CNOT4: variants seen among roughly 807,000 people sequenced by gnomAD.
CNOT4 encodes the protein CCR4-NOT transcription complex subunit 4.
CNOT4 carries 8 observed loss-of-function variants against 73.8 expected under a neutral mutation model. The ratio of observed to expected loss-of-function variants is 0.11; its 90% CI spans 0.06 to 0.20. The LOEUF (loss-of-function observed/expected upper bound fraction) is 0.20. CNOT4 is among the 10% of genes least tolerant of loss of function. CNOT4 has a pLI of 1.00. For missense variants in CNOT4, 564 were observed against 883.4 expected (o/e 0.64, Z 4.58); for synonymous variants, 293 against 321.1 (o/e 0.91, Z 0.94).
chr7:135,451,026 G>T (rs1800126763), intron 1 of CNOT4, among the ~76,000 whole-genome samples: 1 of 152,076 alleles, frequency 6.6e-6, no homozygotes, highest in Non-Finnish European at 1.5e-5. Flanking sequence ...AATTTCAAGG[G>T]TAATCACATA....
intron 10 of CNOT4, among the ~76,000 whole-genome samples, chr7:135,385,002 G>A (rs752577431): frequency 1.3e-4 from 20 of 151,910 alleles, no homozygotes; most frequent in Non-Finnish European, 2.4e-4. Context: ...CAGCTCTTAC[G>A]CTTTCCAATT....
intron 10 of CNOT4, chr7:135,387,093 C>T (rs1796157984): frequency 1.0e-6 from 1 of 984,346 alleles, no homozygotes; most frequent in African/African-American, 1.7e-5. Context: ...TGGCCTCTTA[C>T]AGTAAAAATG....
intron 3 of CNOT4, among the ~76,000 whole-genome samples, chr7:135,420,260 G>A (rs886570006): frequency 3.3e-5 from 5 of 151,908 alleles, no homozygotes; most frequent in African/African-American, 7.3e-5. Context: ...TTCATTTACT[G>A]GAACTGCACG....
At chr7:135,454,832 C>T (rs920083401) in intron 1 of CNOT4, among the ~76,000 whole-genome samples, 1 of 151,944 alleles carries the variant, frequency 6.6e-6, no homozygotes, top group African/African-American at 2.4e-5. Flanking sequence ...TGTAGTGAGC[C>T]GAGATCATGC....
intron 1 of CNOT4, among the ~76,000 whole-genome samples, chr7:135,475,671 A>G (rs1429868794): frequency 4.6e-5 from 7 of 152,182 alleles, no homozygotes; most frequent in African/African-American, 1.7e-4. Flanking sequence ...GCACTTTGGG[A>G]GGCCAAGGCA....
intron 7 of CNOT4, 137 bp from the exon 8 acceptor site, chr7:135,398,363 A>T: frequency 1.7e-6 from 1 of 603,390 alleles, no homozygotes; most frequent in Non-Finnish European, 2.9e-6. Flanking sequence ...GAAGTAAAAC[A>T]TTGATTAAAT....
intron 2 of CNOT4, among the ~76,000 whole-genome samples, chr7:135,423,453 C>G (rs893345936): frequency 6.6e-5 from 10 of 150,604 alleles, no homozygotes; most frequent in African/African-American, 1.2e-4. Flanking sequence ...TAACCTCCAT[C>G]TCTTCATATA....
chr7:135,378,551 G>C (rs531383956), intron 10 of CNOT4, among the ~76,000 whole-genome samples: 35 of 151,858 alleles, frequency 2.3e-4, no homozygotes, highest in South Asian at 4.2e-4. Context: ...ACTCGTTTAG[G>C]ATCAAAGGCA....
At chr7:135,475,787 C>T (rs1217257544) in intron 1 of CNOT4, among the ~76,000 whole-genome samples, 1 of 151,918 alleles carries the variant, frequency 6.6e-6, no homozygotes, top group Non-Finnish European at 1.5e-5. Context: ...GGTGCACACC[C>T]GTAGTCCCAG....
At chr7:135,385,411 G>T (rs982412648) in intron 10 of CNOT4, among the ~76,000 whole-genome samples, 1 of 152,200 alleles carries the variant, frequency 6.6e-6, no homozygotes, top group African/African-American at 2.4e-5. Context: ...CTCCGTGGGA[G>T]TACCTATGGA....
At chr7:135,444,959 C>T in intron 1 of CNOT4, 2 of 1,461,872 alleles carry the variant, frequency 1.4e-6, no homozygotes, top group Non-Finnish European at 1.9e-6. Flanking sequence ...CTTTGAAGAA[C>T]TGATGTAAGC....
intron 1 of CNOT4, among the ~76,000 whole-genome samples, chr7:135,485,175 C>T (rs140652559): frequency 0.02 from 3,055 of 152,234 alleles, 109 homozygotes; most frequent in African/African-American, 0.07. Flanking sequence ...CGGATTCAAG[C>T]GATTCTCCTG....
intron 7 of CNOT4, among the ~76,000 whole-genome samples, chr7:135,402,313 T>C (rs1413131155): frequency 1.3e-5 from 2 of 152,110 alleles, no homozygotes; most frequent in African/African-American, 4.8e-5. Flanking sequence ...TTTCGCCATG[T>C]TGGCCAGGAT....
At chr7:135,462,275 T>C (rs768968343) in intron 1 of CNOT4, among the ~76,000 whole-genome samples, 2 of 152,192 alleles carry the variant, frequency 1.3e-5, no homozygotes, top group Non-Finnish European at 2.9e-5. Flanking sequence ...TTTAGTTCTT[T>C]TGGTTTCCAG....
At position 135,393,993 on chromosome 7, in the gene CNOT4, T is replaced by C; in HGVS notation, c.1552A>G (p.Thr518Ala). ...IMHLNHTANPTSNSNFLDLNL... is the reference protein window; with the variant it reads ...IMHLNHTANPASNSNFLDLNL... ...AAGTCCAAGAAATTACTATTTGAGG[T>C]GGGGTTTGCTGTGTGGTTCAAGTGC... Residue 518 changes from threonine (T) to alanine (A), a missense_variant, in exon 10 of 12, where the codon ACC becomes GCC. Physicochemically the swap from Thr to Ala is moderately conservative, Grantham distance 58 (BLOSUM62 0). Transcript: ENST00000541284. The C allele has an allele frequency of 6.2e-7, 1 of 1,613,826 alleles. No homozygotes were observed. The highest frequency in any genetic ancestry group is 8.5e-7 in the Non-Finnish European group (1 of 1,179,816).
chr7:135,462,073 AT>A (rs1302203089), intron 1 of CNOT4, among the ~76,000 whole-genome samples: 2 of 152,244 alleles, frequency 1.3e-5, no homozygotes, highest in Admixed American at 6.5e-5. Context: ...ATAAAAAAAA[AT>A]CACTTGAAGC....
chr7:135,444,711 C>T (rs1799709609), intron 1 of CNOT4: 3 of 1,282,668 alleles, frequency 2.3e-6, no homozygotes, highest in African/African-American at 2.9e-5. Flanking sequence ...TTGTTTGAAT[C>T]CTTGCTCTGC....
At chr7:135,453,397 CATGCTACTAATCTT>C (rs1487627646) in intron 1 of CNOT4, among the ~76,000 whole-genome samples, 2 of 152,036 alleles carry the variant, frequency 1.3e-5, no homozygotes, top group Non-Finnish European at 2.9e-5. Flanking sequence ...CCCCAGATGG[CATGCTACTAATCTT>C]ATGCTCCTTG....
At chr7:135,426,565 T>A (rs951855357) in intron 2 of CNOT4, among the ~76,000 whole-genome samples, 3 of 144,250 alleles carry the variant, frequency 2.1e-5, no homozygotes, top group African/African-American at 7.8e-5. Context: ...ATCGTGCCAC[T>A]GCACTCCAGC....
Sources: allele counts gnomAD v4.1 joint callset (sites outside exome capture counted in the v4.1 genomes callset), GRCh38; gene constraint gnomAD v4.1.1; transcripts MANE v1.5; gene names NCBI Gene and HGNC (gene_info 2026-07-23, HGNC 2026-07-21).